Variants in CSMD2 observed in about 807,000 individuals in gnomAD.
CSMD2 encodes the protein CUB and Sushi multiple domains 2, also known as CUB and sushi domain-containing protein 2.
CSMD2 carries 130 observed loss-of-function variants against 398.5 expected under a neutral mutation model. The observed-to-expected ratio is 0.33, with a 90% CI of 0.28 to 0.38. The LOEUF is 0.38. Ranked by LOEUF, CSMD2 falls within the 10% of genes least tolerant of loss-of-function variation. The pLI is 1.00. For missense variants in CSMD2, 3,829 were observed against 4,764.9 expected (o/e 0.80, Z 5.78); for synonymous variants, 1,828 against 1,908.5 (o/e 0.96, Z 1.10).
chr1:33,930,533 G>A (rs1429483703), intron 4 of CSMD2, among the ~76,000 whole-genome samples: 2 of 152,270 alleles, frequency 1.3e-5, no homozygotes, highest in African/African-American at 4.8e-5. Flanking sequence ...AACCTCAGAG[G>A]CTAAGCACTT....
At chr1:33,943,924 TTACACACA>T (rs1180700626) in intron 3 of CSMD2, among the ~76,000 whole-genome samples, 1 of 98,938 alleles carries the variant, frequency 1.0e-5, no homozygotes, top group African/African-American at 5.5e-5. Context: ...TTAATCAGAA[TTACACACA>T]CACACACACA....
At chr1:33,575,171 G>T (rs945364937) in intron 49 of CSMD2, among the ~76,000 whole-genome samples, 5 of 152,230 alleles carry the variant, frequency 3.3e-5, no homozygotes, top group African/African-American at 1.2e-4. Context: ...TTTGAGGCTT[G>T]TGGTGGAATG....
intron 58 of CSMD2, 106 bp from the exon 59 acceptor site, chr1:33,541,415 A>G: frequency 1.2e-6 from 1 of 843,672 alleles, no homozygotes; most frequent in Non-Finnish European, 1.9e-6. Flanking sequence ...GGAAACTGTC[A>G]GATCAGGGAT....
At chr1:33,790,132 G>T (rs567725933) in intron 11 of CSMD2, among the ~76,000 whole-genome samples, 7 of 152,264 alleles carry the variant, frequency 4.6e-5, no homozygotes, top group Non-Finnish European at 8.8e-5. Context: ...GCACCATATG[G>T]GTCAGTAAAC....
intron 24 of CSMD2, among the ~76,000 whole-genome samples, chr1:33,695,299 C>T (rs1227619383): frequency 6.6e-6 from 1 of 152,188 alleles, no homozygotes; most frequent in Non-Finnish European, 1.5e-5. Context: ...CATATATTCA[C>T]TGTTCCAGGA....
chr1:33,659,176 C>T (rs972194939), intron 26 of CSMD2, among the ~76,000 whole-genome samples: 26 of 152,206 alleles, frequency 1.7e-4, no homozygotes, highest in Non-Finnish European at 2.9e-4. Flanking sequence ...CCTAGTTTAA[C>T]ATAGAGCAGG....
intron 1 of CSMD2, among the ~76,000 whole-genome samples, chr1:34,160,342 A>C (rs1284444269): frequency 6.6e-6 from 1 of 152,176 alleles, no homozygotes; most frequent in Non-Finnish European, 1.5e-5. Context: ...TCATACACAC[A>C]CTGGTGACTG....
intron 3 of CSMD2, among the ~76,000 whole-genome samples, chr1:34,008,567 C>T (rs1558239177): frequency 6.6e-6 from 1 of 152,208 alleles, no homozygotes; most frequent in East Asian, 1.9e-4. Flanking sequence ...AGGGCTCTAT[C>T]ATGATGCTGT....
intron 29 of CSMD2, among the ~76,000 whole-genome samples, chr1:33,641,050 C>G (rs1037081987): frequency 1.3e-5 from 2 of 152,164 alleles, no homozygotes; most frequent in Admixed American, 1.3e-4. Flanking sequence ...GCCCCTGGCC[C>G]CCACTCTGGC....
At position 33,905,039 on chromosome 1, in the gene CSMD2, A is replaced by T. The variant is rs186648898; in HGVS notation, c.920+13055T>A. ...AAGCTGGTCTTGAACTCCTGAGCTC[A>T]AGCAGTCCTCCCACCTCAGTCTCCT... On this transcript the variant is annotated intron_variant, in intron 5 of 70. Coordinates refer to ENST00000373381, the MANE Select transcript of CSMD2 (RefSeq NM_001281956.2). 2.5e-3 allele frequency among the ~76,000 whole-genome samples: 381 copies of T among 152,088 alleles called. 1 individual carries two copies. Among genetic ancestry groups the T allele is most frequent in the African/African-American group, 7.9e-3 (327 of 41,496 alleles).
chr1:33,886,941 C>T (rs1641636059), intron 5 of CSMD2, among the ~76,000 whole-genome samples: 1 of 151,884 alleles, frequency 6.6e-6, no homozygotes. Context: ...GAATTAGCTG[C>T]ACATTTTACA....
intron 64 of CSMD2, among the ~76,000 whole-genome samples, chr1:33,529,960 A>C (rs1333097336): frequency 6.6e-6 from 1 of 152,238 alleles, no homozygotes; most frequent in Non-Finnish European, 1.5e-5. Context: ...AAAATGGACA[A>C]AGGATTTGAA....
At chr1:33,981,564 A>G (rs899704817) in intron 3 of CSMD2, among the ~76,000 whole-genome samples, 4 of 152,162 alleles carry the variant, frequency 2.6e-5, no homozygotes, top group African/African-American at 9.7e-5. Flanking sequence ...TTTGTTCATC[A>G]CGTATTTCCG....
intron 1 of CSMD2, among the ~76,000 whole-genome samples, chr1:34,129,618 C>T (rs558933133): frequency 1.8e-3 from 272 of 152,314 alleles, no homozygotes; most frequent in Non-Finnish European, 3.5e-3. Flanking sequence ...CGCCACTGTA[C>T]TCCAGCCTAG....
intron 2 of CSMD2, among the ~76,000 whole-genome samples, chr1:34,057,688 C>A (rs150426488): frequency 6.6e-6 from 1 of 152,166 alleles, no homozygotes; most frequent in South Asian, 2.1e-4. Context: ...GTCCCCAGTG[C>A]CTGATAATTA....
intron 5 of CSMD2, among the ~76,000 whole-genome samples, chr1:33,902,944 A>G (rs1167237274): frequency 6.6e-6 from 1 of 152,172 alleles, no homozygotes; most frequent in African/African-American, 2.4e-5. Flanking sequence ...CCCCAACCCC[A>G]GGGTGGGCAA....
At position 33,636,541 on chromosome 1, in the gene CSMD2, C is replaced by T. The variant is rs568491570; in HGVS notation, c.4788G>A (p.Glu1596=). Residue 1596 remains glutamate (E), a synonymous_variant, in exon 30 of 71, where the codon GAG becomes GAA. Transcript: ENST00000373381. This position sits in a 1 kb window ranked among gnomAD's most constrained non-coding sequence, Gnocchi z 4.8. ...TGATGGAACCAGGATCAAAACATGA[C>T]TCCCGCGGGTTTTCTGGGAAAAAGA... ...FVIDYTENPR[E]SCFDPGSIKN... is the part of the protein sequence containing the mutation. 4 of 1,614,008 alleles carry T rather than the reference C, an allele frequency of 2.5e-6. No individual in the cohort carries two copies. Among genetic ancestry groups the T allele is most frequent in the Non-Finnish European group, 2.5e-6 (3 of 1,179,904 alleles).
chr1:33,648,725 G>A (rs867400415), intron 28 of CSMD2, among the ~76,000 whole-genome samples: 6 of 152,134 alleles, frequency 3.9e-5, no homozygotes, highest in Non-Finnish European at 7.3e-5. Flanking sequence ...CCTTCTGCCC[G>A]ACAACAATGC....
intron 3 of CSMD2, among the ~76,000 whole-genome samples, chr1:33,944,058 G>A (rs1299267745): frequency 6.6e-6 from 1 of 151,982 alleles, no homozygotes; most frequent in African/African-American, 2.4e-5. Flanking sequence ...CTCTGTCACA[G>A]GGACCTGATT....
Sources: gnomAD v4.1 joint callset for allele counts (sites outside exome capture counted in the v4.1 genomes callset) on GRCh38, gnomAD v4.1.1 for gene constraint, Gnocchi (gnomAD v3.1) non-coding constraint, MANE v1.5 for transcripts, NCBI Gene and HGNC (gene_info 2026-07-23, HGNC 2026-07-21) for gene names.